Variants in KIF15 observed in about 807,000 individuals in gnomAD.
KIF15 encodes the protein kinesin-like protein KIF15.
A neutral mutation model predicts 190.6 loss-of-function variants in KIF15; 140 were observed. That is an observed-to-expected ratio of 0.73 (90% CI 0.64 to 0.84). KIF15 has a LOEUF of 0.84. KIF15 is among the 40% of genes least tolerant of loss of function. The probability of loss-of-function intolerance (pLI) is 0.00; values close to 1 mark genes in which losing one functional copy is unlikely to be tolerated. For synonymous variants in KIF15, 528 were observed against 551.3 expected (o/e 0.96, Z 0.59); for missense variants, 1,372 against 1,584.4 (o/e 0.87, Z 2.28).
chr3:44,829,356 C>CAA lies in KIF15; in HGVS notation c.2944-610_2944-609dup, dbSNP rs771224041. ...TGGGCAACACAGCGAGACTCCATCT[C>CAA]AAAAAATATATATATATATGTGTGT... is the stretch of plus-strand genomic sequence containing the variant. On this transcript the variant is annotated intron_variant, in intron 24 of 34. Coordinates refer to ENST00000326047, the MANE Select transcript of KIF15 (RefSeq NM_020242.3). 7.8e-3 allele frequency among the ~76,000 whole-genome samples: 1,071 copies of CAA among 137,256 alleles called. 10 individuals are homozygous for CAA. The highest frequency in any genetic ancestry group is 0.011 in the Non-Finnish European group (731 of 64,928). The allele number at this position is 137,256 out of a possible 152,430, so 90.0% of individuals were successfully genotyped here. A position where few individuals can be genotyped will look rare whatever the true frequency, so the allele number is the denominator to read the frequency against.
chr3:44,835,352 A>G (rs1037881793), intron 26 of KIF15, among the ~76,000 whole-genome samples: 16 of 152,058 alleles, frequency 1.1e-4, no homozygotes, highest in Non-Finnish European at 1.6e-4. Flanking sequence ...TGATCCTGCC[A>G]CCTCAGCCTC....
chr3:44,797,523 T>G (rs752529163), intron 8 of KIF15, 28 bp from the exon 9 acceptor site: 1 of 1,607,692 alleles, frequency 6.2e-7, no homozygotes, highest in Admixed American at 1.7e-5. Context: ...CGTACCTAAA[T>G]TTTTGTTCTT....
chr3:44,855,951 G>A (rs1699183880), downstream of KIF15, among the ~76,000 whole-genome samples: 1 of 152,114 alleles, frequency 6.6e-6, no homozygotes, highest in Admixed American at 6.5e-5. Flanking sequence ...TTGGTGAGGT[G>A]TGTTTTTAAA....
rs1246418746 is a variant in KIF15 at position 44,829,547 on chromosome 3, T to TGC, written c.2944-424_2944-423insGC. 4.0e-4 allele frequency among the ~76,000 whole-genome samples: 48 copies of TGC among 119,156 alleles called. 1 individual carries two copies. The highest frequency in any genetic ancestry group is 1.6e-3 in the African/African-American group (43 of 27,590). The allele number at this position is 119,156 out of a possible 152,430, so 78.2% of individuals were successfully genotyped here. On this transcript the variant is annotated intron_variant, in intron 24 of 34. Transcript: ENST00000326047. The stretch of plus-strand genomic sequence containing the variant: ...ATGTATATAATATGTATATATTATA[T>TGC]ATGTATATATTATATATGTATATAT...
At chr3:44,790,211 T>A (rs1706618600) in intron 7 of KIF15, among the ~76,000 whole-genome samples, 1 of 151,862 alleles carries the variant, frequency 6.6e-6, no homozygotes, top group Non-Finnish European at 1.5e-5. Flanking sequence ...GGAGTCTCAC[T>A]CTCTCTCCAA....
intron 27 of KIF15, 52 bp downstream of exon 27, chr3:44,838,473 G>A: frequency 6.4e-7 from 1 of 1,564,984 alleles, no homozygotes; most frequent in Non-Finnish European, 8.7e-7. Flanking sequence ...ACCAAGTGTA[G>A]TGGCTCACTC....
At position 44,820,077 on chromosome 3, in the gene KIF15, T is replaced by C. The variant is rs190999391; in HGVS notation, c.2549+5001T>C. Among the ~76,000 whole-genome samples, 302 of 152,278 alleles carry C rather than the reference T, an allele frequency of 2.0e-3. 2 individuals carry two copies. The highest frequency in any genetic ancestry group is 6.6e-3 in the African/African-American group (275 of 41,538). ...AGACTAGGATTGCAATCGCTGGTTT[T>C]TTTTGCTTTCCATTTGCTTGGTAGA... On this transcript the variant is annotated intron_variant, in intron 20 of 34. Transcript: ENST00000326047.
intron 26 of KIF15, among the ~76,000 whole-genome samples, chr3:44,833,537 AAT>A (rs879751423): frequency 6.6e-6 from 1 of 151,986 alleles, no homozygotes; most frequent in Non-Finnish European, 1.5e-5. Context: ...CGCAGTTTGC[AAT>A]AGAGTTAATG....
At chr3:44,807,383 C>T (rs1707560123) in intron 16 of KIF15, among the ~76,000 whole-genome samples, 1 of 152,068 alleles carries the variant, frequency 6.6e-6, no homozygotes, top group Non-Finnish European at 1.5e-5. Context: ...TGCCCCAACA[C>T]CCAGCTGATT....
At position 44,826,192 on chromosome 3, in the gene KIF15, A is replaced by G; in HGVS notation, c.2700+3A>G. The G allele has an allele frequency of 6.3e-7, 1 of 1,575,342 alleles. No individual in the cohort carries two copies. Among genetic ancestry groups the G allele is most frequent in the Non-Finnish European group, 8.6e-7 (1 of 1,168,202 alleles). ...AAACTCTGAAATCTGATCTGAATGTATGTTAAGAAGGGTGAATTTGTCCCG... is the reference window on the plus strand; with the variant it reads ...AAACTCTGAAATCTGATCTGAATGTGTGTTAAGAAGGGTGAATTTGTCCCG... On this transcript the variant is annotated splice_donor_region_variant and intron_variant, in intron 21 of 34. Coordinates refer to ENST00000326047, the MANE Select transcript of KIF15 (RefSeq NM_020242.3).
intron 6 of KIF15, chr3:44,862,426 G>A: frequency 6.5e-6 from 1 of 153,242 alleles, no homozygotes; most frequent in East Asian, 1.9e-4. Flanking sequence ...CTCCGGTTGG[G>A]CTAGTTCGCT....
intron 17 of KIF15, 147 bp from the exon 18 acceptor site, chr3:44,812,035 T>A: frequency 1.6e-6 from 1 of 616,472 alleles, no homozygotes; most frequent in South Asian, 2.1e-5. Context: ...GTTTTCTGGC[T>A]CCAAACAGGC....
intron 26 of KIF15, among the ~76,000 whole-genome samples, chr3:44,835,215 G>GT (rs1159441379): frequency 1.3e-5 from 2 of 151,928 alleles, no homozygotes; most frequent in African/African-American, 4.8e-5. Flanking sequence ...AGAAATTTAT[G>GT]TAATTCCACT....
chr3:44,786,820 T>C (rs559221278), intron 7 of KIF15, among the ~76,000 whole-genome samples: 1 of 152,338 alleles, frequency 6.6e-6, no homozygotes, highest in East Asian at 1.9e-4. Flanking sequence ...AGTTTCTTAC[T>C]TGTCCATATG....
At chr3:44,837,606 A>ATG (rs1202969942) in intron 26 of KIF15, among the ~76,000 whole-genome samples, 7 of 152,026 alleles carry the variant, frequency 4.6e-5, no homozygotes, top group Admixed American at 2.0e-4. Flanking sequence ...ACACATATAT[A>ATG]TGTGTGTGTA....
chr3:44,801,657 T>C, intron 12 of KIF15, 108 bp from the exon 13 acceptor site: 1 of 972,866 alleles, frequency 1.0e-6, no homozygotes, highest in Admixed American at 2.4e-5. Flanking sequence ...AAAAATCAAA[T>C]TTTGCCTTTA....
chr3:44,789,849 C>T (rs528633329), intron 7 of KIF15, among the ~76,000 whole-genome samples: 7 of 151,688 alleles, frequency 4.6e-5, no homozygotes, highest in Admixed American at 1.3e-4. Context: ...TGCATATTTC[C>T]AGTCATAAAA....
At position 44,805,988 on chromosome 3, in the gene KIF15, T is replaced by C; in HGVS notation, c.1971+2T>C. ...AAAATTCATGCTGAAACACTTAAGG[T>C]AGGTCATCTGAACAATACCTCCACC... is the stretch of plus-strand genomic sequence containing the variant. On this transcript the variant is annotated splice_donor_variant, in intron 16 of 34. Coordinates refer to ENST00000326047, the MANE Select transcript of KIF15 (RefSeq NM_020242.3). LOFTEE classifies it high-confidence loss of function. 6.2e-7 allele frequency: 1 copy of C among 1,613,162 alleles called. No individual in the cohort carries two copies. Among genetic ancestry groups the C allele is most frequent in the Non-Finnish European group, 8.5e-7 (1 of 1,179,762 alleles).
rs1442956638 is a variant in KIF15, at chr3:44,847,990, A to G, written c.3701A>G (p.Gln1234Arg). The change falls in exon 31 of 35, where the codon CAG becomes CGG. Residue 1234 changes from glutamine (Q) to arginine (R), a missense_variant. Physicochemically the swap from Gln to Arg is conservative, Grantham distance 43. Coordinates refer to ENST00000326047, the MANE Select transcript of KIF15 (RefSeq NM_020242.3). Reference sequence around the variant, plus strand: ...ACCCCTGTTAATCTATGCAGTGATCAGAATCATCCAGATAATCAACAGCTG... The same window carrying G: ...ACCCCTGTTAATCTATGCAGTGATCGGAATCATCCAGATAATCAACAGCTG... ...DIKRQKENSD[Q>R]NHPDNQQLKN... The G allele has an allele frequency of 6.2e-7, 1 of 1,609,116 alleles. No individual in the cohort carries two copies. The highest frequency in any genetic ancestry group is 8.5e-7 in the Non-Finnish European group (1 of 1,177,264).
Sources: allele counts gnomAD v4.1 joint callset (sites outside exome capture counted in the v4.1 genomes callset), GRCh38; gene constraint gnomAD v4.1.1; transcripts MANE v1.5; gene names NCBI Gene and HGNC (gene_info 2026-07-23, HGNC 2026-07-21).